Variants in SNTG1 observed in about 807,000 individuals in gnomAD.
SNTG1 encodes gamma-1-syntrophin.
Under a neutral mutation model 74.7 loss-of-function variants are expected in SNTG1, and 39 were observed. That is an observed-to-expected ratio of 0.52 (90% CI 0.40 to 0.68). The LOEUF is 0.68. SNTG1 is among the 30% of genes least tolerant of loss of function. The pLI is 0.00. For missense variants in SNTG1, 685 were observed against 609.5 expected (o/e 1.12, Z -1.30); for synonymous variants, 254 against 217.1 (o/e 1.17, Z -1.49).
chr8:50,104,591 T>C (rs2080291077), intron 1 of SNTG1, among the ~76,000 whole-genome samples: 1 of 152,194 alleles, frequency 6.6e-6, no homozygotes, highest in Non-Finnish European at 1.5e-5. Context: ...TAGTTATTTT[T>C]CGCCGTCTGC....
rs543563986 is a variant in SNTG1, at chr8:50,404,887, T to C, written c.162+2543T>C. Among the ~76,000 whole-genome samples, 8 of 152,068 alleles carry C rather than the reference T, an allele frequency of 5.3e-5. No individual in the cohort carries two copies. In the East Asian group the frequency reaches 1.2e-3, roughly 22 times the overall value. On this transcript the variant is annotated intron_variant, in intron 4 of 18. Coordinates refer to ENST00000642720, the MANE Select transcript of SNTG1 (RefSeq NM_018967.5). ...ATTTGACTATTCTGGGTAGATCTTG[T>C]AGGTGGAATCATACAATATCTGACC... is the stretch of plus-strand genomic sequence containing the variant.
rs960022282 is a variant in SNTG1 at position 50,179,202 on chromosome 8, T to C, written c.-28+6567T>C. Among the ~76,000 whole-genome samples the C allele has an allele frequency of 2.6e-5, 4 of 152,178 alleles. No individual in the cohort carries two copies. In the East Asian group the frequency reaches 7.7e-4, roughly 29 times the overall value. On this transcript the variant is annotated intron_variant, in intron 2 of 18. Transcript: ENST00000642720. ...TATGCCAGTACCATATTGTTCTTACTACTGTAGCTTTGTCATGTAATTTGA... is the reference window on the plus strand; with the variant it reads ...TATGCCAGTACCATATTGTTCTTACCACTGTAGCTTTGTCATGTAATTTGA...
At chr8:50,174,597 A>G (rs1012741567) in intron 2 of SNTG1, among the ~76,000 whole-genome samples, 6 of 152,204 alleles carry the variant, frequency 3.9e-5, no homozygotes, top group Admixed American at 2.6e-4. Context: ...TATATACCCA[A>G]TGTTTTCAAG....
intron 1 of SNTG1, among the ~76,000 whole-genome samples, chr8:50,115,396 G>A (rs1167124307): frequency 1.3e-5 from 2 of 151,418 alleles, no homozygotes; most frequent in Admixed American, 6.6e-5. Context: ...GTGAAACCCC[G>A]TCTCTACAAA....
At position 50,657,025 on chromosome 8, in the gene SNTG1, A is replaced by G. The variant is rs148405056; in HGVS notation, c.966A>G (p.Pro322=). The change falls in exon 14 of 19, where the codon CCA becomes CCG. Residue 322 remains proline (P), a splice_region_variant and synonymous_variant. Coordinates refer to ENST00000642720, the MANE Select transcript of SNTG1 (RefSeq NM_018967.5). ...GSCLYKFLAP[P]VTTWDWTRAE... is the part of the protein sequence containing the mutation. The stretch of plus-strand genomic sequence containing the variant: ...GTCTCTACAAGTTTCTGGCACCTCC[A>G]GTACGTGTTTTATTGAAATGTATTG... 3.0e-4 allele frequency: 459 copies of G among 1,519,004 alleles called. No homozygotes were observed. Among genetic ancestry groups the G allele is most frequent in the Non-Finnish European group, 4.0e-4 (449 of 1,134,052 alleles). 94.1% of individuals were successfully genotyped at this position (1,519,004 alleles called of 1,614,324 possible).
intron 1 of SNTG1, among the ~76,000 whole-genome samples, chr8:50,075,335 T>C (rs995466705): frequency 1.3e-5 from 2 of 152,142 alleles, no homozygotes; most frequent in African/African-American, 4.8e-5. Context: ...GGGAGGAGAC[T>C]TGGAGAACTT....
At chr8:50,474,949 C>G (rs1288545186) in intron 8 of SNTG1, among the ~76,000 whole-genome samples, 1 of 151,546 alleles carries the variant, frequency 6.6e-6, no homozygotes, top group African/African-American at 2.4e-5. Flanking sequence ...AAGCTGGAAA[C>G]CATCATTCTG....
chr8:50,593,310 A>G (rs1235036516), intron 13 of SNTG1, among the ~76,000 whole-genome samples: 4 of 152,180 alleles, frequency 2.6e-5, no homozygotes, highest in Non-Finnish European at 2.9e-5. Flanking sequence ...TCCAGAATGC[A>G]TAAGGCTTTC....
chr8:50,486,006 C>T (rs1366290370), intron 8 of SNTG1, among the ~76,000 whole-genome samples: 4 of 152,092 alleles, frequency 2.6e-5, no homozygotes, highest in Non-Finnish European at 5.9e-5. Context: ...TTTCTGAGGG[C>T]TCTGTTCTGT....
At chr8:50,173,771 C>A (rs12544313) in intron 2 of SNTG1, among the ~76,000 whole-genome samples, 4 of 151,960 alleles carry the variant, frequency 2.6e-5, no homozygotes, top group Non-Finnish European at 4.4e-5. Context: ...GATTGATTTC[C>A]CTCACCCAAT....
intron 13 of SNTG1, among the ~76,000 whole-genome samples, chr8:50,605,479 A>G (rs2094806022): frequency 6.6e-6 from 1 of 152,168 alleles, no homozygotes; most frequent in African/African-American, 2.4e-5. Context: ...ATGGGCAGGA[A>G]CCAGCTGAGC....
intron 2 of SNTG1, among the ~76,000 whole-genome samples, chr8:50,301,592 C>T (rs891028171): frequency 1.3e-5 from 2 of 152,074 alleles, no homozygotes; most frequent in African/African-American, 4.8e-5. Context: ...ACATTGATTA[C>T]TGACACCTTT....
At chr8:50,382,790 T>C (rs892834860) in intron 2 of SNTG1, among the ~76,000 whole-genome samples, 2 of 152,208 alleles carry the variant, frequency 1.3e-5, no homozygotes, top group African/African-American at 4.8e-5. Flanking sequence ...TATGTATGTG[T>C]ACACATATTT....
Position 50,505,256 on chromosome 8 carries a change from T to C in SNTG1, c.466+2376T>C, listed in dbSNP as rs75873830. The stretch of plus-strand genomic sequence containing the variant: ...CTCAAACAGTGAGCATTTAGATTGG[T>C]TCCACATCTTTGTTATTGTGAATAA... On this transcript the variant is annotated intron_variant, in intron 9 of 18. Coordinates refer to ENST00000642720, the MANE Select transcript of SNTG1 (RefSeq NM_018967.5). Among the ~76,000 whole-genome samples the C allele has an allele frequency of 2.1e-3, 325 of 152,302 alleles. 1 individual carries two copies. The highest frequency in any genetic ancestry group is 7.5e-3 in the African/African-American group (312 of 41,578).
intron 13 of SNTG1, among the ~76,000 whole-genome samples, chr8:50,612,003 C>T (rs1563646330): frequency 6.6e-6 from 1 of 152,150 alleles, no homozygotes; most frequent in South Asian, 2.1e-4. Flanking sequence ...AACGGTTCAT[C>T]TGCCTCGGCC....
intron 1 of SNTG1, among the ~76,000 whole-genome samples, chr8:50,136,258 G>C (rs1416016629): frequency 6.6e-6 from 1 of 152,072 alleles, no homozygotes; most frequent in Non-Finnish European, 1.5e-5. Context: ...TATATTTTGG[G>C]GGGGAATATG....
At chr8:50,776,179 C>A (rs1289207580) in intron 18 of SNTG1, among the ~76,000 whole-genome samples, 2 of 149,952 alleles carry the variant, frequency 1.3e-5, no homozygotes. Flanking sequence ...TTTAATTTTT[C>A]TGCCTTCTTG....
intron 2 of SNTG1, among the ~76,000 whole-genome samples, chr8:50,338,239 A>C (rs2130920031): frequency 6.6e-6 from 1 of 152,286 alleles, no homozygotes; most frequent in Non-Finnish European, 1.5e-5. Context: ...CACTGGAGGA[A>C]ATGGAAACTT....
At chr8:49,935,256 C>T (rs1023254619) in intron 1 of SNTG1, among the ~76,000 whole-genome samples, 1 of 145,544 alleles carries the variant, frequency 6.9e-6, no homozygotes, top group Non-Finnish European at 1.5e-5. Context: ...TGTGTTAAAG[C>T]GCTTCTGAAT....
Sources: allele counts gnomAD v4.1 joint callset (sites outside exome capture counted in the v4.1 genomes callset), GRCh38; gene constraint gnomAD v4.1.1; transcripts MANE v1.5; gene names NCBI Gene and HGNC (gene_info 2026-07-23, HGNC 2026-07-21).